Variants in DGKB observed in about 807,000 individuals in gnomAD.
DGKB encodes the protein 90 kDa diacylglycerol kinase.
In DGKB, 67 loss-of-function variants were observed where a neutral mutation model predicts 114.3. The observed-to-expected ratio is 0.59, with a 90% CI of 0.48 to 0.72. The LOEUF is 0.72. Ranked by LOEUF, DGKB falls within the 30% of genes least tolerant of loss-of-function variation. The pLI is 0.00. For missense variants in DGKB, 907 were observed against 975.2 expected (o/e 0.93, Z 0.93); for synonymous variants, 398 against 323.1 (o/e 1.23, Z -2.49).
chr7:14,274,984 CGT>C (rs1798793488), intron 23 of DGKB, among the ~76,000 whole-genome samples: 1 of 140,490 alleles, frequency 7.1e-6, no homozygotes, highest in Admixed American at 7.0e-5. Flanking sequence ...TTTGTGTGTG[CGT>C]GTTATAAATG....
intron 20 of DGKB, among the ~76,000 whole-genome samples, chr7:14,483,890 C>T (rs1030923153): frequency 1.3e-5 from 2 of 151,996 alleles, no homozygotes; most frequent in South Asian, 2.1e-4. Context: ...AGGAGCACCT[C>T]GATTTTAGTC....
chr7:14,846,910 G>A (rs1848697268), intron 1 of DGKB, among the ~76,000 whole-genome samples: 1 of 152,222 alleles, frequency 6.6e-6, no homozygotes, highest in South Asian at 2.1e-4. Flanking sequence ...CGCATCATCT[G>A]TGAGTCACAT....
At chr7:14,868,737 T>C (rs780329647) in intron 1 of DGKB, among the ~76,000 whole-genome samples, 1 of 152,126 alleles carries the variant, frequency 6.6e-6, no homozygotes, top group Non-Finnish European at 1.5e-5. Flanking sequence ...TCTTTAGAAA[T>C]GGAAGAGAAG....
At chr7:14,168,860 C>G (rs1472614052) in intron 25 of DGKB, among the ~76,000 whole-genome samples, 1 of 152,160 alleles carries the variant, frequency 6.6e-6, no homozygotes, top group African/African-American at 2.4e-5. Flanking sequence ...GAAATTGCTT[C>G]TAAGCTTGGC....
chr7:14,328,912 C>T (rs1026837401), intron 23 of DGKB, among the ~76,000 whole-genome samples: 5 of 151,810 alleles, frequency 3.3e-5, no homozygotes, highest in African/African-American at 4.8e-5. Context: ...AAAATAATAA[C>T]CTGAGTTGAC....
chr7:14,850,517 G>C (rs1469785936), intron 1 of DGKB, among the ~76,000 whole-genome samples: 1 of 152,106 alleles, frequency 6.6e-6, no homozygotes, highest in Non-Finnish European at 1.5e-5. Context: ...CTTAAGGATG[G>C]ATACAGATGC....
At chr7:14,462,838 A>G (rs1461653120) in intron 21 of DGKB, among the ~76,000 whole-genome samples, 2 of 152,226 alleles carry the variant, frequency 1.3e-5, no homozygotes, top group Non-Finnish European at 2.9e-5. Context: ...CTGACTGCAA[A>G]CTATATGACA....
At chr7:14,768,206 T>C (rs1397687736) in intron 2 of DGKB, among the ~76,000 whole-genome samples, 1 of 151,970 alleles carries the variant, frequency 6.6e-6, no homozygotes, top group African/African-American at 2.4e-5. Context: ...ATTTACCTTG[T>C]GACTTTATGC....
chr7:14,394,215 G>C lies in DGKB; in HGVS notation c.1836-48824C>G, dbSNP rs561215615. 5.7e-4 allele frequency among the ~76,000 whole-genome samples: 86 copies of C among 152,140 alleles called. 1 individual carries two copies. Among genetic ancestry groups the C allele is most frequent in the Non-Finnish European group, 1.1e-3 (77 of 68,002 alleles). On this transcript the variant is annotated intron_variant, in intron 21 of 25. Coordinates refer to ENST00000402815, the MANE Select transcript of DGKB (RefSeq NM_001350709.2). Reference sequence around the variant, plus strand: ...ATGGGTTTCCACAACTTACTTGGGAGATATTTCTAAATCAAATTTATCTGT... The same window carrying C: ...ATGGGTTTCCACAACTTACTTGGGACATATTTCTAAATCAAATTTATCTGT...
At chr7:14,937,025 TACACACACACACAC>T (rs56176139) in intron 1 of DGKB, among the ~76,000 whole-genome samples, 216 of 132,348 alleles carry the variant, frequency 1.6e-3, no homozygotes, top group African/African-American at 4.5e-3. Flanking sequence ...GTCCATTCAC[TACACACACACACAC>T]ACACACACAC....
intron 23 of DGKB, among the ~76,000 whole-genome samples, chr7:14,283,697 A>G (rs1800345972): frequency 6.6e-6 from 1 of 152,098 alleles, no homozygotes; most frequent in African/African-American, 2.4e-5. Context: ...CAGAGCCCTG[A>G]GAAATAACGC....
At chr7:14,238,495 AT>A (rs11315180) in intron 23 of DGKB, among the ~76,000 whole-genome samples, 102,704 of 151,786 alleles carry the variant, frequency 0.68, 35,858 homozygotes, top group African/African-American at 0.86. Context: ...AATACTTTTG[AT>A]TTTTTTACTT....
At chr7:14,188,831 G>A (rs905420956) in intron 23 of DGKB, among the ~76,000 whole-genome samples, 1 of 152,008 alleles carries the variant, frequency 6.6e-6, no homozygotes, top group Admixed American at 6.5e-5. Context: ...CACACTATTA[G>A]CAGATTTCTC....
chr7:14,729,137 T>C (rs1351670542), intron 5 of DGKB, among the ~76,000 whole-genome samples: 1 of 147,244 alleles, frequency 6.8e-6, no homozygotes, highest in East Asian at 2.0e-4. Context: ...TTTTTTTTTT[T>C]TTTTTGATGG....
intron 20 of DGKB, among the ~76,000 whole-genome samples, chr7:14,505,531 C>T (rs1786902982): frequency 6.6e-6 from 1 of 152,082 alleles, no homozygotes; most frequent in Non-Finnish European, 1.5e-5. Flanking sequence ...TCACTTCTAC[C>T]TTTCACAACT....
chr7:14,653,774 G>A (rs1815168633), intron 13 of DGKB, among the ~76,000 whole-genome samples: 1 of 151,866 alleles, frequency 6.6e-6, no homozygotes, highest in Non-Finnish European at 1.5e-5. Context: ...AAAGGAAAAA[G>A]TCTTACGATC....
chr7:14,254,224 T>C (rs1795638545), intron 23 of DGKB, among the ~76,000 whole-genome samples: 1 of 152,326 alleles, frequency 6.6e-6, no homozygotes, highest in Admixed American at 6.5e-5. Flanking sequence ...TTATACTCTC[T>C]TGCTACATCC....
At position 14,470,860 on chromosome 7, in the gene DGKB, T is replaced by C. The variant is rs372874243; in HGVS notation, c.1835+7301A>G. On this transcript the variant is annotated intron_variant, in intron 21 of 25. Coordinates refer to ENST00000402815, the MANE Select transcript of DGKB (RefSeq NM_001350709.2). ...ATATATCATCATGATGTAAGACAAT[T>C]TGAATTGCTCTGGAACTTCAAAAGC... Among the ~76,000 whole-genome samples the C allele has an allele frequency of 2.2e-4, 33 of 151,728 alleles. 1 individual carries two copies. The highest frequency in any genetic ancestry group is 1.6e-3 in the Admixed American group (25 of 15,232).
chr7:14,295,584 AG>A (rs1391692300), intron 23 of DGKB, among the ~76,000 whole-genome samples: 67 of 151,968 alleles, frequency 4.4e-4, no homozygotes, highest in African/African-American at 1.6e-3. Flanking sequence ...TTTAATAGAT[AG>A]GTTTTCTGTG....
Sources: allele counts gnomAD v4.1 joint callset (sites outside exome capture counted in the v4.1 genomes callset), GRCh38; gene constraint gnomAD v4.1.1; transcripts MANE v1.5; gene names NCBI Gene and HGNC (gene_info 2026-07-23, HGNC 2026-07-21).